GPHN: variants seen among roughly 807,000 people sequenced by gnomAD.
The protein encoded by GPHN is gephyrin.
In GPHN, 17 loss-of-function variants were observed where a neutral mutation model predicts 95.5. The observed-to-expected ratio is 0.18, with a 90% CI of 0.12 to 0.27. The LOEUF is 0.27. GPHN is among the 10% of genes least tolerant of loss of function. GPHN has a pLI of 1.00. For synonymous variants in GPHN, 320 were observed against 322.5 expected (o/e 0.99, Z 0.08); for missense variants, 660 against 978.1 (o/e 0.67, Z 4.34).
the GPHN span, among the ~76,000 whole-genome samples, chr14:67,637,837 C>T: frequency 6.6e-6 from 1 of 152,196 alleles, no homozygotes; most frequent in Non-Finnish European, 1.5e-5. Flanking sequence ...GCTAGCTGTC[C>T]ACCAAAATCC....
the GPHN span, chr14:67,201,283 G>A: frequency 2.9e-6 from 1 of 348,918 alleles, no homozygotes; most frequent in Admixed American, 3.8e-5. Flanking sequence ...GATAAGACAA[G>A]ACTTTGTCTC....
the GPHN span, chr14:67,593,504 G>T: frequency 4.4e-6 from 2 of 454,728 alleles, no homozygotes; most frequent in Non-Finnish European, 3.9e-6. Context: ...AAAAAAAAAA[G>T]AAAAAAGATA....
chr14:67,015,881 T>A (rs1032723005), intron 9 of GPHN, among the ~76,000 whole-genome samples: 1 of 152,202 alleles, frequency 6.6e-6, no homozygotes, highest in African/African-American at 2.4e-5. Context: ...TACTGTTAAA[T>A]GATTAGTCCA....
intron 16 of GPHN, 38 bp from the exon 17 acceptor site, chr14:67,122,218 C>T (rs762791593): frequency 1.9e-6 from 3 of 1,605,946 alleles, no homozygotes; most frequent in South Asian, 1.1e-5. Context: ...CAACATTAAC[C>T]TAATAGAATA....
At chr14:67,048,082 G>A (rs1024715689) in intron 10 of GPHN, among the ~76,000 whole-genome samples, 2 of 152,138 alleles carry the variant, frequency 1.3e-5, no homozygotes, top group African/African-American at 4.8e-5. Context: ...CACAAAAAAA[G>A]GTTACTGATA....
chr14:67,221,246 A>ATTTG, the GPHN span, among the ~76,000 whole-genome samples: 4 of 152,330 alleles, frequency 2.6e-5, no homozygotes, highest in Admixed American at 6.5e-5. Flanking sequence ...AAGTTACATT[A>ATTTG]TTTGCTACAA....
At chr14:67,449,802 A>G in the GPHN span, 1 of 152,154 alleles carries the variant, frequency 6.6e-6, no homozygotes, top group Non-Finnish European at 1.5e-5. Flanking sequence ...ATGGTTTTAA[A>G]AAATAGGAGT....
At chr14:66,951,683 G>A (rs182494608) in intron 8 of GPHN, among the ~76,000 whole-genome samples, 17 of 152,242 alleles carry the variant, frequency 1.1e-4, no homozygotes, top group East Asian at 1.9e-4. Context: ...ATAATGATAC[G>A]ATTAAAGTAA....
At chr14:66,687,193 A>G (rs149456925) in intron 2 of GPHN, among the ~76,000 whole-genome samples, 77 of 152,240 alleles carry the variant, frequency 5.1e-4, no homozygotes, top group Non-Finnish European at 6.9e-4. Context: ...TCAACATTGG[A>G]CAGATCAACG....
At chr14:67,426,636 C>T in the GPHN span, among the ~76,000 whole-genome samples, 171 of 152,238 alleles carry the variant, frequency 1.1e-3, 1 homozygote, top group African/African-American at 3.8e-3. Flanking sequence ...AGTGTAATGG[C>T]GTGATCTTGG....
At chr14:66,573,803 A>G (rs1211405253) in intron 1 of GPHN, among the ~76,000 whole-genome samples, 1 of 152,042 alleles carries the variant, frequency 6.6e-6, no homozygotes, top group Non-Finnish European at 1.5e-5. Flanking sequence ...AGTCTACTTT[A>G]TTATGAATAC....
chr14:67,558,635 A>G, the GPHN span, among the ~76,000 whole-genome samples: 3 of 152,190 alleles, frequency 2.0e-5, no homozygotes, highest in Non-Finnish European at 2.9e-5. Flanking sequence ...CAATCTCATA[A>G]AAGAAAAGGC....
intron 4 of GPHN, among the ~76,000 whole-genome samples, chr14:66,845,819 C>CTGTGTGTGTGTGTGTGTGTGTG (rs367997271): frequency 1.5e-4 from 22 of 143,396 alleles, no homozygotes; most frequent in African/African-American, 5.6e-4. Flanking sequence ...ATACATGCCT[C>CTGTGTGTGTGTGTGTGTGTGTG]TGTGTGTGTG....
chr14:67,045,950 A>G (rs1216084254), intron 10 of GPHN, among the ~76,000 whole-genome samples: 4 of 152,132 alleles, frequency 2.6e-5, no homozygotes, highest in African/African-American at 9.7e-5. Flanking sequence ...AGAATCCTGT[A>G]CAGAACTGGC....
At chr14:67,037,941 C>T (rs891471767) in intron 10 of GPHN, among the ~76,000 whole-genome samples, 2 of 151,962 alleles carry the variant, frequency 1.3e-5, no homozygotes, top group Non-Finnish European at 2.9e-5. Context: ...ATCTGTCAGT[C>T]TCACTTCTGG....
the GPHN span, among the ~76,000 whole-genome samples, chr14:67,396,228 A>G: frequency 6.6e-6 from 1 of 151,756 alleles, no homozygotes; most frequent in African/African-American, 2.4e-5. Flanking sequence ...GCTCACTGCA[A>G]ACTCCGGCTC....
At chr14:66,538,757 C>T (rs1206055319) in intron 1 of GPHN, among the ~76,000 whole-genome samples, 3 of 144,626 alleles carry the variant, frequency 2.1e-5, no homozygotes, top group African/African-American at 5.2e-5. Flanking sequence ...TGCTTTTAGT[C>T]TTGATTACAG....
chr14:67,658,094 G>A, the GPHN span, among the ~76,000 whole-genome samples: 1 of 152,094 alleles, frequency 6.6e-6, no homozygotes, highest in African/African-American at 2.4e-5. Flanking sequence ...ACCAGTAGAC[G>A]AGGAAACCAC....
At chr14:67,505,261 A>G in the GPHN span, among the ~76,000 whole-genome samples, 3 of 152,142 alleles carry the variant, frequency 2.0e-5, no homozygotes, top group African/African-American at 4.8e-5. Context: ...GGTTGCTGTT[A>G]GTGTGCTGTG....
Sources: gnomAD v4.1 joint callset for allele counts (sites outside exome capture counted in the v4.1 genomes callset) on GRCh38, gnomAD v4.1.1 for gene constraint, MANE v1.5 for transcripts, NCBI Gene and HGNC (gene_info 2026-07-23, HGNC 2026-07-21) for gene names.